The following LRRC7 variants were observed in gnomAD, a reference collection of about 807,000 sequenced individuals.
The protein encoded by LRRC7 is leucine rich repeat containing 7.
LRRC7 carries 23 observed loss-of-function variants against 175.7 expected under a neutral mutation model. The ratio of observed to expected loss-of-function variants is 0.13; its 90% CI spans 0.09 to 0.19. The LOEUF is 0.19. Among genes scored for constraint, LRRC7 ranks in the 10% least tolerant of loss-of-function variants. The pLI is 1.00. For synonymous variants in LRRC7, 685 were observed against 680.9 expected, an observed-to-expected ratio of 1.01 and a Z score of -0.09; for missense variants, 1,354 against 1,904.7, an observed-to-expected ratio of 0.71 and a Z score of 5.38.
intron 8 of LRRC7, among the ~76,000 whole-genome samples, chr1:69,936,826 T>C (rs1405150896): frequency 5.3e-5 from 8 of 152,106 alleles, no homozygotes; most frequent in Non-Finnish European, 7.4e-5. Flanking sequence ...TGGTATTTGG[T>C]TTTCTGTTCC....
At position 70,125,167 on chromosome 1, in the gene LRRC7, T is replaced by C. The variant is rs1394882062; in HGVS notation, c.*3280T>C. ...AGTATGAAATAAAACATTATGCTAA[T>C]GTATTGCTCATTGAAGCCTATAAAA... On this transcript the variant is annotated 3_prime_UTR_variant, in exon 27 of 27. Coordinates refer to ENST00000651989, the MANE Select transcript of LRRC7 (RefSeq NM_001370785.2). Among the ~76,000 whole-genome samples, 3 of 152,234 alleles carry C rather than the reference T, an allele frequency of 2.0e-5. No individual in the cohort carries two copies. The highest frequency in any genetic ancestry group is 4.4e-5 in the Non-Finnish European group (3 of 68,044).
intron 26 of LRRC7, among the ~76,000 whole-genome samples, chr1:70,115,414 GGCCTTCCCC>G (rs1383430732): frequency 1.3e-5 from 2 of 151,870 alleles, no homozygotes; most frequent in African/African-American, 4.8e-5. Flanking sequence ...CTCTCTTCAT[GGCCTTCCCC>G]GCTCTATTTG....
chr1:69,844,197 G>A (rs963803724), intron 7 of LRRC7, among the ~76,000 whole-genome samples: 19 of 148,326 alleles, frequency 1.3e-4, no homozygotes, highest in African/African-American at 4.3e-4. Context: ...TTTTTTTATC[G>A]TGGTAAGACT....
intron 7 of LRRC7, among the ~76,000 whole-genome samples, chr1:69,920,660 T>C (rs1270598578): frequency 6.6e-6 from 1 of 152,134 alleles, no homozygotes; most frequent in African/African-American, 2.4e-5. Context: ...AACTACGGAA[T>C]TCATAGAATC....
At chr1:69,678,534 A>G (rs922759170) in intron 2 of LRRC7, 56 bp downstream of exon 2, 1 of 1,239,698 alleles carries the variant, frequency 8.1e-7, no homozygotes, top group African/African-American at 1.5e-5. Context: ...TGAGTAGCAT[A>G]GTAAAATGAA....
intron 6 of LRRC7, among the ~76,000 whole-genome samples, chr1:69,836,230 A>C (rs985917855): frequency 2.0e-5 from 3 of 152,014 alleles, no homozygotes; most frequent in African/African-American, 7.2e-5. Context: ...AGATTCCCTT[A>C]CTTTTGCAGA....
chr1:69,766,654 G>T lies in LRRC7; in HGVS notation c.303+6261G>T, dbSNP rs529981629. 2.0e-5 allele frequency among the ~76,000 whole-genome samples: 3 copies of T among 152,210 alleles called. No homozygotes were observed. The East Asian group carries it at 5.8e-4, about 29-fold the overall frequency. On this transcript the variant is annotated intron_variant, in intron 3 of 26. Coordinates refer to ENST00000651989, the MANE Select transcript of LRRC7 (RefSeq NM_001370785.2). ...GATGCTGCTTTTACCTCAGCATGAC[G>T]CAGATCAGTTGATCCCAGGCTTCTG...
Position 70,018,940 on chromosome 1 carries a change from GAC to G in LRRC7, c.1420+128_1420+129del, listed in dbSNP as rs1426044822. 4 of 617,698 alleles carry G rather than the reference GAC, an allele frequency of 6.5e-6. No homozygotes were observed. The African/African-American group carries it at 7.4e-5, about 12-fold the overall frequency. The allele number at this position is 617,698 out of a possible 1,614,324, so 38.3% of individuals were successfully genotyped here. On this transcript the variant is annotated intron_variant, in intron 15 of 26. Coordinates refer to ENST00000651989, the MANE Select transcript of LRRC7 (RefSeq NM_001370785.2). ...GACAAGCTTATAAAGATAATTACAT[GAC>G]ACACAAATATCATTTGGGGATGTAC...
At chr1:69,893,616 A>T (rs1264663505) in intron 7 of LRRC7, among the ~76,000 whole-genome samples, 1 of 152,228 alleles carries the variant, frequency 6.6e-6, no homozygotes, top group Non-Finnish European at 1.5e-5. Flanking sequence ...TGAAATGTAA[A>T]TTATTTCCTA....
intron 7 of LRRC7, among the ~76,000 whole-genome samples, chr1:69,879,212 TAAAAAAA>T (rs201332183): frequency 8.7e-5 from 8 of 91,978 alleles, no homozygotes; most frequent in African/African-American, 3.1e-4. Flanking sequence ...AAAACTGCTT[TAAAAAAA>T]AAAAAAAAAA....
chr1:69,789,244 A>G (rs1189881842), intron 3 of LRRC7, among the ~76,000 whole-genome samples: 2 of 152,090 alleles, frequency 1.3e-5, no homozygotes, highest in East Asian at 1.9e-4. Flanking sequence ...ACACTTTAGT[A>G]CCCAAATATT....
At chr1:69,922,972 G>A (rs1329161183) in intron 7 of LRRC7, among the ~76,000 whole-genome samples, 2 of 150,628 alleles carry the variant, frequency 1.3e-5, no homozygotes, top group East Asian at 3.9e-4. Flanking sequence ...CCCCCCTCCT[G>A]CCACCCCACA....
At chr1:69,712,235 AACACAC>A (rs57948269) in intron 2 of LRRC7, among the ~76,000 whole-genome samples, 65,354 of 150,576 alleles carry the variant, frequency 0.43, 14,278 homozygotes, top group Admixed American at 0.5. Context: ...TGAGAAAAAG[AACACAC>A]ACACACACAC....
At position 70,124,786 on chromosome 1, in the gene LRRC7, A is replaced by G. The variant is rs1666373905; in HGVS notation, c.*2899A>G. ...AAAAAAAGAAAAATCAATAACAACA[A>G]AAAGAACTGGAATTCATGATGGCTC... On this transcript the variant is annotated 3_prime_UTR_variant, in exon 27 of 27. Transcript: ENST00000651989. Among the ~76,000 whole-genome samples, 3 of 152,044 alleles carry G rather than the reference A, an allele frequency of 2.0e-5. No homozygotes were observed. Among genetic ancestry groups the G allele is most frequent in the Admixed American group, 1.3e-4 (2 of 15,268 alleles).
chr1:69,925,711 T>C, intron 7 of LRRC7, among the ~76,000 whole-genome samples: 1 of 152,206 alleles, frequency 6.6e-6, no homozygotes, highest in Non-Finnish European at 1.5e-5. Flanking sequence ...TTAGTCTTGC[T>C]AGCGGTCTAT....
intron 7 of LRRC7, among the ~76,000 whole-genome samples, chr1:69,868,722 T>A (rs937764684): frequency 6.6e-6 from 1 of 152,074 alleles, no homozygotes; most frequent in Non-Finnish European, 1.5e-5. Context: ...TGCCACAGAC[T>A]TGTTGGACTA....
intron 19 of LRRC7, 90 bp from the exon 20 acceptor site, chr1:70,036,354 T>G (rs1659310925): frequency 7.0e-7 from 1 of 1,430,222 alleles, no homozygotes; most frequent in Non-Finnish European, 9.6e-7. Flanking sequence ...ATTTCTAACC[T>G]TAATCGGTAT....
chr1:69,654,114 TA>T (rs200066269), intron 1 of LRRC7, among the ~76,000 whole-genome samples: 14 of 151,782 alleles, frequency 9.2e-5, no homozygotes, highest in African/African-American at 2.2e-4. Context: ...TCATGTTATT[TA>T]TTTTTTTTTT....
intron 7 of LRRC7, among the ~76,000 whole-genome samples, chr1:69,913,590 C>A (rs1646597941): frequency 1.3e-5 from 2 of 152,088 alleles, no homozygotes; most frequent in South Asian, 2.1e-4. Flanking sequence ...CGGCTCACTG[C>A]AACCTCCACC....
Sources: allele counts gnomAD v4.1 joint callset (sites outside exome capture counted in the v4.1 genomes callset), GRCh38; gene constraint gnomAD v4.1.1; transcripts MANE v1.5; gene names NCBI Gene and HGNC (gene_info 2026-07-23, HGNC 2026-07-21).